Variants in HHIP observed in about 807,000 individuals in gnomAD.
The protein encoded by HHIP is hedgehog interacting protein.
HHIP carries 12 observed loss-of-function variants against 74.0 expected under a neutral mutation model. The observed-to-expected ratio is 0.16, with a 90% CI of 0.10 to 0.26. The LOEUF is 0.26. Ranked by LOEUF, HHIP falls within the 10% of genes least tolerant of loss-of-function variation. The pLI is 1.00. For synonymous variants in HHIP, 309 were observed against 311.6 expected (o/e 0.99, Z 0.09); for missense variants, 788 against 845.0 (o/e 0.93, Z 0.84).
At chr4:144,666,984 G>A (rs1480904895) in intron 4 of HHIP, among the ~76,000 whole-genome samples, 2 of 152,182 alleles carry the variant, frequency 1.3e-5, no homozygotes, top group African/African-American at 4.8e-5. Flanking sequence ...ATAAAAAGGA[G>A]GGGAAGAAGG....
At chr4:144,676,493 T>C (rs1279137927) in intron 4 of HHIP, among the ~76,000 whole-genome samples, 2 of 152,240 alleles carry the variant, frequency 1.3e-5, no homozygotes, top group Non-Finnish European at 2.9e-5. Flanking sequence ...AGTAAATTTA[T>C]GGTTGTAACC....
intron 1 of HHIP, among the ~76,000 whole-genome samples, chr4:144,650,028 C>T (rs2126573388): frequency 6.6e-6 from 1 of 152,240 alleles, no homozygotes; most frequent in Admixed American, 6.5e-5. Flanking sequence ...ACCAAGTGAT[C>T]TTAAGGCGAC....
chr4:144,736,162 G>A, intron 12 of HHIP, among the ~76,000 whole-genome samples: 1 of 138,400 alleles, frequency 7.2e-6, no homozygotes. Flanking sequence ...TTGAGGTGGA[G>A]TCTCTCTCTG....
chr4:144,673,449 G>A lies in HHIP; in HGVS notation c.831+13611G>A, dbSNP rs938052550. On this transcript the variant is annotated intron_variant, in intron 4 of 12. Transcript: ENST00000296575. ...ATGTAATGAAGAGGGCTCACTCTAC[G>A]CCAGTTGTAATTGCTAATTCATGAA... 2.6e-5 allele frequency among the ~76,000 whole-genome samples: 4 copies of A among 152,130 alleles called. No individual in the cohort carries two copies. In the South Asian group the frequency reaches 6.2e-4, roughly 24 times the overall value.
intron 11 of HHIP, among the ~76,000 whole-genome samples, chr4:144,724,116 A>G (rs1409251367): frequency 6.6e-6 from 1 of 152,210 alleles, no homozygotes; most frequent in Non-Finnish European, 1.5e-5. Flanking sequence ...ATGAGCATGC[A>G]TACATAATAG....
chr4:144,662,492 A>T (rs1728741842), intron 4 of HHIP, among the ~76,000 whole-genome samples: 1 of 152,250 alleles, frequency 6.6e-6, no homozygotes, highest in South Asian at 2.1e-4. Context: ...CACAAGCTAA[A>T]GAATTAACTT....
intron 4 of HHIP, among the ~76,000 whole-genome samples, chr4:144,690,973 G>A (rs1298812973): frequency 1.3e-5 from 2 of 151,984 alleles, no homozygotes; most frequent in African/African-American, 2.4e-5. Context: ...CAGCAGCAGG[G>A]GATGCCAAAG....
chr4:144,684,806 C>T (rs1729444580), intron 4 of HHIP, among the ~76,000 whole-genome samples: 1 of 152,078 alleles, frequency 6.6e-6, no homozygotes. Flanking sequence ...ATTGTTGCTT[C>T]TGATTGTATT....
Position 144,661,583 on chromosome 4 carries a change from C to T in HHIP, c.831+1745C>T, listed in dbSNP as rs76277038. ...TTCTTACTTCAAGCAGGTCATGCTG[C>T]ACATGGCCTTTATCTCAGTGTCTGT... On this transcript the variant is annotated intron_variant, in intron 4 of 12. Coordinates refer to ENST00000296575, the MANE Select transcript of HHIP (RefSeq NM_022475.3). 3.7e-4 allele frequency among the ~76,000 whole-genome samples: 56 copies of T among 152,256 alleles called. 1 individual carries two copies. The East Asian group carries it at 0.01, about 27-fold the overall frequency.
chr4:144,712,018 G>GA lies in HHIP; in HGVS notation c.1376dup (p.Asn459LysfsTer17). The GA allele has an allele frequency of 1.2e-6, 2 of 1,611,932 alleles. No homozygotes were observed. The highest frequency in any genetic ancestry group is 8.5e-7 in the Non-Finnish European group (1 of 1,178,272). ...ACGATACTGTGTTCAGACTCCAATGGAAAAAACAGATCATCAGCCAGAATT... is the reference window on the plus strand; with the variant it reads ...ACGATACTGTGTTCAGACTCCAATGGAAAAAAACAGATCATCAGCCAGAATT... On this transcript the variant is annotated frameshift_variant, in exon 8 of 13. Transcript: ENST00000296575. LOFTEE classifies it high-confidence loss of function.
intron 1 of HHIP, among the ~76,000 whole-genome samples, chr4:144,647,727 C>T (rs1728306450): frequency 6.6e-6 from 1 of 152,136 alleles, no homozygotes; most frequent in Admixed American, 6.5e-5. Context: ...ACTGTAAAGG[C>T]ACGCTTGTTT....
intron 4 of HHIP, among the ~76,000 whole-genome samples, chr4:144,686,688 T>A (rs1729495316): frequency 6.6e-6 from 1 of 152,160 alleles, no homozygotes; most frequent in African/African-American, 2.4e-5. Context: ...AGTTAAAGAC[T>A]TAATTCAGAC....
rs532283470 is a variant in HHIP, at chr4:144,719,207, G to A, written c.1760+251G>A. 1.3e-3 allele frequency among the ~76,000 whole-genome samples: 200 copies of A among 152,302 alleles called. 2 individuals carry two copies. Among genetic ancestry groups the A allele is most frequent in the Middle Eastern group, 6.8e-3 (2 of 294 alleles). On this transcript the variant is annotated intron_variant, in intron 11 of 12. Transcript: ENST00000296575. ...ATCACAGAGCACCATTATATTCATGGAATCAGAGTCCTCAGTTAAAAGCCA... is the reference window on the plus strand; with the variant it reads ...ATCACAGAGCACCATTATATTCATGAAATCAGAGTCCTCAGTTAAAAGCCA...
chr4:144,659,744 A>C lies in HHIP; in HGVS notation c.737A>C (p.Glu246Ala), dbSNP rs765803202. 3 of 1,611,818 alleles carry C rather than the reference A, an allele frequency of 1.9e-6. No individual in the cohort carries two copies. The East Asian group carries it at 6.7e-5, about 36-fold the overall frequency. The stretch of plus-strand genomic sequence containing the variant: ...GGCTCGCAACGTCTCTTCATTCTGG[A>C]AAAAGAAGGTTATGTGAAGATACTT... Reference protein sequence around the residue: ...GDGSQRLFILEKEGYVKILTP... With the variant: ...GDGSQRLFILAKEGYVKILTP... Residue 246 changes from glutamate (E) to alanine (A), a missense_variant, in exon 4 of 13, where the codon GAA becomes GCA. Physicochemically the swap from Glu to Ala is moderately radical, Grantham distance 107. Coordinates refer to ENST00000296575, the MANE Select transcript of HHIP (RefSeq NM_022475.3).
rs1728265482 is a variant in HHIP, at chr4:144,646,602, C to T, written c.-74C>T. 4.0e-6 allele frequency: 6 copies of T among 1,491,260 alleles called. No homozygotes were observed. The highest frequency in any genetic ancestry group is 5.5e-6 in the Non-Finnish European group (6 of 1,096,548). 92.4% of individuals were successfully genotyped at this position (1,491,260 alleles called of 1,614,324 possible). ...CCCGCAAACTCCTCCTGGAGCTGCG[C>T]CCTAGTGCCCCTGCTGGGCAGTGGC... On this transcript the variant is annotated 5_prime_UTR_variant, in exon 1 of 13. Transcript: ENST00000296575.
At chr4:144,667,009 T>C (rs1043772585) in intron 4 of HHIP, among the ~76,000 whole-genome samples, 4 of 152,152 alleles carry the variant, frequency 2.6e-5, no homozygotes, top group African/African-American at 4.8e-5. Context: ...TATGCATGAC[T>C]CACAAGCTCC....
At chr4:144,698,728 G>A (rs1415214487) in intron 4 of HHIP, among the ~76,000 whole-genome samples, 1 of 152,140 alleles carries the variant, frequency 6.6e-6, no homozygotes, top group Non-Finnish European at 1.5e-5. Flanking sequence ...GTTTATTGTG[G>A]CTGGTTTCAT....
chr4:144,690,156 T>C (rs1729606036), intron 4 of HHIP, among the ~76,000 whole-genome samples: 2 of 152,312 alleles, frequency 1.3e-5, no homozygotes, highest in African/African-American at 2.4e-5. Context: ...TGTGTAAAGA[T>C]AGATGAAATT....
chr4:144,713,007 T>C (rs575731611), intron 8 of HHIP, among the ~76,000 whole-genome samples: 3 of 152,158 alleles, frequency 2.0e-5, no homozygotes, highest in African/African-American at 7.2e-5. Context: ...TGGCTACATT[T>C]GTAGATTAAA....
Sources: gnomAD v4.1 joint callset for allele counts (sites outside exome capture counted in the v4.1 genomes callset) on GRCh38, gnomAD v4.1.1 for gene constraint, MANE v1.5 for transcripts, NCBI Gene and HGNC (gene_info 2026-07-23, HGNC 2026-07-21) for gene names.